FBRSL1: variants seen among roughly 807,000 people sequenced by gnomAD.
The protein encoded by FBRSL1 is fibrosin-1-like protein.
Under a neutral mutation model 89.6 loss-of-function variants are expected in FBRSL1, and 51 were observed. The observed-to-expected ratio is 0.57, with a 90% CI of 0.45 to 0.72. The LOEUF (loss-of-function observed/expected upper bound fraction) is 0.72. Among genes scored for constraint, FBRSL1 ranks in the 30% least tolerant of loss-of-function variants. The pLI, the probability that FBRSL1 is intolerant of heterozygous loss-of-function variation, is 0.00. For missense variants in FBRSL1, 1,618 were observed against 1,451.8 expected (o/e 1.11, Z -1.86); for synonymous variants, 779 against 681.1 (o/e 1.14, Z -2.24).
chr12:132,491,590 T>C (rs1005784443), intron 1 of FBRSL1, among the ~76,000 whole-genome samples: 3 of 152,222 alleles, frequency 2.0e-5, no homozygotes, highest in Non-Finnish European at 4.4e-5. Context: ...GCACTTACTT[T>C]GGGGGACCCT....
At chr12:132,525,186 C>A (rs1336505881) in intron 2 of FBRSL1, among the ~76,000 whole-genome samples, 1 of 152,246 alleles carries the variant, frequency 6.6e-6, no homozygotes, top group Non-Finnish European at 1.5e-5. Context: ...CAGGTCCCAC[C>A]ACCACCTCGC....
At position 132,548,147 on chromosome 12, in the gene FBRSL1, C is replaced by T. The variant is rs556091453; in HGVS notation, c.645+115C>T. The T allele has an allele frequency of 8.8e-5, 115 of 1,300,630 alleles. No individual in the cohort carries two copies. In the African/African-American group the frequency reaches 1.4e-3, roughly 16 times the overall value. 80.6% of individuals were successfully genotyped at this position (1,300,630 alleles called of 1,614,324 possible). On this transcript the variant is annotated intron_variant, in intron 5 of 18. Coordinates refer to ENST00000680143, the MANE Select transcript of FBRSL1 (RefSeq NM_001367871.1). Reference sequence around the variant, plus strand: ...GCAGAAGATCGGGCCTTGGGGGGATCCCCCCGCCCGGTGGGTGCAGGGGGC... The same window carrying T: ...GCAGAAGATCGGGCCTTGGGGGGATTCCCCCGCCCGGTGGGTGCAGGGGGC...
At chr12:132,513,371 AG>A (rs755217958) in intron 2 of FBRSL1, among the ~76,000 whole-genome samples, 6 of 151,760 alleles carry the variant, frequency 4.0e-5, no homozygotes, top group Non-Finnish European at 7.4e-5. Flanking sequence ...TGGCTGCTGT[AG>A]AGGGGGTGGG....
chr12:132,548,405 A>C (rs2037873064), intron 5 of FBRSL1, among the ~76,000 whole-genome samples: 1 of 152,166 alleles, frequency 6.6e-6, no homozygotes, highest in South Asian at 2.1e-4. Context: ...ATCAGTCCTG[A>C]GGGAGCAGGG....
rs540846583 is a variant in FBRSL1, at chr12:132,490,959, C to A, written c.291+98C>A. ...CGGGACCCCTGGGCTTGCGACCGCCCGCGCCGTGGGCAGCCCTGAGGGAAG... is the reference window on the plus strand; with the variant it reads ...CGGGACCCCTGGGCTTGCGACCGCCAGCGCCGTGGGCAGCCCTGAGGGAAG... On this transcript the variant is annotated intron_variant, in intron 1 of 18. Transcript: ENST00000680143. The A allele has an allele frequency of 9.9e-4, 970 of 980,906 alleles. 4 individuals are homozygous for A. In the African/African-American group the frequency reaches 0.016, roughly 16 times the overall value. 60.8% of individuals were successfully genotyped at this position (980,906 alleles called of 1,614,324 possible).
At chr12:132,542,861 C>T (rs1254347516) in intron 4 of FBRSL1, among the ~76,000 whole-genome samples, 1 of 152,260 alleles carries the variant, frequency 6.6e-6, no homozygotes, top group Non-Finnish European at 1.5e-5. Context: ...ATAATTAACA[C>T]TTGCACTGGG....
intron 4 of FBRSL1, among the ~76,000 whole-genome samples, chr12:132,531,707 G>A (rs191396605): frequency 4.6e-5 from 7 of 152,028 alleles, no homozygotes; most frequent in South Asian, 2.1e-4. Context: ...GTGGCGTTGC[G>A]TGTTGTGCAC....
At chr12:132,571,032 C>T (rs56753974) in intron 8 of FBRSL1, 36 bp from the exon 9 acceptor site, 15 of 1,282,924 alleles carry the variant, frequency 1.2e-5, no homozygotes, top group Middle Eastern at 3.0e-4. Flanking sequence ...CCCTGGCTCC[C>T]GGGGAGGGGC....
Position 132,570,142 on chromosome 12 carries a change from C to T in FBRSL1, c.908C>T (p.Pro303Leu), listed in dbSNP as rs2137866892. The T allele has an allele frequency of 1.4e-6, 2 of 1,478,460 alleles. No individual in the cohort carries two copies. The highest frequency in any genetic ancestry group is 1.3e-5 in the South Asian group (1 of 77,394). The allele number at this position is 1,478,460 out of a possible 1,614,324, so 91.6% of individuals were successfully genotyped here. A position where few individuals can be genotyped will look rare whatever the true frequency, so the allele number is the denominator to read the frequency against. Residue 303 changes from proline (P) to leucine (L), a missense_variant, in exon 7 of 19, where the codon CCC becomes CTC. Pro to Leu is a moderately conservative substitution (Grantham distance 98, BLOSUM62 -3). Transcript: ENST00000680143. ...CACCGCCACACCCCGCAGCCGCCAC[C>T]CCCGCAGCCCCGCGGCCTGCTCCCG... is the stretch of plus-strand genomic sequence containing the variant. ...APHRHTPQPP[P>L]PQPRGLLPTH...
At chr12:132,533,633 C>G (rs2036484477) in intron 4 of FBRSL1, among the ~76,000 whole-genome samples, 1 of 152,262 alleles carries the variant, frequency 6.6e-6, no homozygotes, top group African/African-American at 2.4e-5. Flanking sequence ...CATCTGCACC[C>G]ACCCACATCC....
chr12:132,515,173 CAG>C (rs1309910866), intron 2 of FBRSL1, among the ~76,000 whole-genome samples: 1 of 152,150 alleles, frequency 6.6e-6, no homozygotes, highest in African/African-American at 2.4e-5. Flanking sequence ...TGCATCAGGC[CAG>C]AGTGTCCTGC....
At chr12:132,498,246 C>T (rs4883527) in intron 1 of FBRSL1, among the ~76,000 whole-genome samples, 2 of 152,114 alleles carry the variant, frequency 1.3e-5, no homozygotes, top group African/African-American at 4.8e-5. Context: ...AGGCCTGTGT[C>T]GGGGGCATGG....
chr12:132,575,152 C>T (rs569315207), intron 14 of FBRSL1, among the ~76,000 whole-genome samples: 3 of 152,322 alleles, frequency 2.0e-5, no homozygotes, highest in South Asian at 2.1e-4. Context: ...TGATGACGCA[C>T]GTCACCTCCG....
intron 2 of FBRSL1, among the ~76,000 whole-genome samples, chr12:132,512,986 C>T (rs868574323): frequency 2.6e-4 from 40 of 152,200 alleles, no homozygotes; most frequent in Admixed American, 5.2e-4. Context: ...GACACCAGGG[C>T]GCTATGGTGC....
In FBRSL1 at chr12:132,583,574, C is replaced by A; in HGVS notation, c.2805C>A (p.Pro935=). 1 of 1,019,422 alleles carries A rather than the reference C, an allele frequency of 9.8e-7. No individual in the cohort carries two copies. The highest frequency in any genetic ancestry group is 1.2e-6 in the Non-Finnish European group (1 of 852,816). The allele number at this position is 1,019,422 out of a possible 1,614,324, so 63.1% of individuals were successfully genotyped here. ...LGALHFPRLS[P]AALHNGLLAR... ...CCCTGCACTTCCCGCGCCTCTCGCC[C>A]GCCGCGCTGCACAATGGGCTCCTGG... The change falls in exon 19 of 19, where the codon CCC becomes CCA. Residue 935 remains proline (P), a synonymous_variant. Transcript: ENST00000680143.
chr12:132,560,966 G>A (rs7976882), intron 5 of FBRSL1, among the ~76,000 whole-genome samples: 60,147 of 152,092 alleles, frequency 0.4, 12,654 homozygotes, highest in East Asian at 0.73. Flanking sequence ...GTCCTAGAAG[G>A]GAAAGAGCTG....
intron 4 of FBRSL1, among the ~76,000 whole-genome samples, chr12:132,533,426 C>A (rs1198746177): frequency 7.3e-6 from 1 of 136,712 alleles, no homozygotes; most frequent in Non-Finnish European, 1.6e-5. Context: ...CCCAGCCTCT[C>A]CCTGTAGTCA....
Position 132,570,531 on chromosome 12 carries a change from C to T in FBRSL1, c.1204C>T (p.His402Tyr), listed in dbSNP as rs2039938340. 1.3e-6 allele frequency: 2 copies of T among 1,511,764 alleles called. No homozygotes were observed. The highest frequency in any genetic ancestry group is 2.5e-5 in the East Asian group (1 of 39,992). 93.6% of individuals were successfully genotyped at this position (1,511,764 alleles called of 1,614,324 possible). A position where few individuals can be genotyped will look rare whatever the true frequency, so the allele number is the denominator to read the frequency against. ...LPASSLVLPG[H>Y]PADASLAVSF... ...GGCCAGCAGCCTGGTCCTCCCAGGACACCCGGCCGGTAGGTGTCTCGGCCA... is the reference window on the plus strand; with the variant it reads ...GGCCAGCAGCCTGGTCCTCCCAGGATACCCGGCCGGTAGGTGTCTCGGCCA... The change falls in exon 8 of 19, where the codon CAC (histidine) becomes TAC (tyrosine). Residue 402 changes from histidine (H) to tyrosine (Y), a missense_variant. Physicochemically the swap from His to Tyr is moderately conservative, Grantham distance 83 (BLOSUM62 2). Coordinates refer to ENST00000680143, the MANE Select transcript of FBRSL1 (RefSeq NM_001367871.1).
rs61744287 is a variant in FBRSL1 at position 132,525,764 on chromosome 12, C to G, written c.520C>G (p.Arg174Gly). 1 of 1,549,828 alleles carries G rather than the reference C, an allele frequency of 6.5e-7. No homozygotes were observed. The highest frequency in any genetic ancestry group is 2.0e-5 in the Admixed American group (1 of 50,994). ...GGTCACCGTGTCCAAAGGGGGCGAC[C>G]GGGACAGTGACGACGACAGCGTCCT... is the stretch of plus-strand genomic sequence containing the variant. ...MKVTVSKGGDRDSDDDSVLEA... is the reference protein window; with the variant it reads ...MKVTVSKGGDGDSDDDSVLEA... The change falls in exon 3 of 19, where the codon CGG becomes GGG. Residue 174 changes from arginine to glycine, a missense_variant. Arg to Gly is a moderately radical substitution (Grantham distance 125). Transcript: ENST00000680143.
Sources: allele counts gnomAD v4.1 joint callset (sites outside exome capture counted in the v4.1 genomes callset), GRCh38; gene constraint gnomAD v4.1.1; transcripts MANE v1.5; gene names NCBI Gene and HGNC (gene_info 2026-07-23, HGNC 2026-07-21).